The following BACH2 variants were observed in gnomAD, a reference collection of about 807,000 sequenced individuals.
BACH2 encodes the protein transcription regulator protein BACH2.
BACH2 carries 5 observed loss-of-function variants against 61.8 expected under a neutral mutation model. The observed-to-expected ratio is 0.08, with a 90% CI of 0.04 to 0.17. The LOEUF (loss-of-function observed/expected upper bound fraction) is 0.17, where lower values mean the gene tolerates loss of function less well. BACH2 is among the 10% of genes least tolerant of loss of function. The pLI is 1.00. For missense variants in BACH2, 824 were observed against 1,091.1 expected (o/e 0.76, Z 3.45); for synonymous variants, 446 against 440.1 (o/e 1.01, Z -0.17).
chr6:89,981,685 T>C (rs555454266), intron 6 of BACH2, among the ~76,000 whole-genome samples: 1 of 152,310 alleles, frequency 6.6e-6, no homozygotes, highest in East Asian at 1.9e-4. Context: ...AAAATAATTC[T>C]AGTGGTAACA....
chr6:90,056,367 G>C (rs1420797607), intron 5 of BACH2, among the ~76,000 whole-genome samples: 5 of 152,178 alleles, frequency 3.3e-5, no homozygotes, highest in South Asian at 2.1e-4. Context: ...GATCAAAAGA[G>C]ACAAAGAAGG....
At chr6:90,169,812 T>C (rs1394613920) in intron 4 of BACH2, among the ~76,000 whole-genome samples, 2 of 152,226 alleles carry the variant, frequency 1.3e-5, no homozygotes, top group Admixed American at 6.5e-5. Context: ...CCTTCACCAA[T>C]TGGGACTTTC....
chr6:90,128,463 C>T (rs1783954929), intron 4 of BACH2, among the ~76,000 whole-genome samples: 1 of 152,164 alleles, frequency 6.6e-6, no homozygotes, highest in Admixed American at 6.5e-5. Context: ...CGCCTGTAGT[C>T]CCAGCTACTC....
At chr6:90,166,473 C>T (rs1767622216) in intron 4 of BACH2, among the ~76,000 whole-genome samples, 1 of 152,176 alleles carries the variant, frequency 6.6e-6, no homozygotes, top group Admixed American at 6.5e-5. Context: ...TAAACTAGTT[C>T]AACCATTGCA....
At chr6:90,291,064 A>T (rs1423924475) in intron 1 of BACH2, among the ~76,000 whole-genome samples, 1 of 152,174 alleles carries the variant, frequency 6.6e-6, no homozygotes, top group Non-Finnish European at 1.5e-5. Flanking sequence ...GGAAAAGAAC[A>T]AAAAGGTCAG....
intron 4 of BACH2, among the ~76,000 whole-genome samples, chr6:90,205,233 C>A (rs1408178748): frequency 2.6e-5 from 4 of 152,178 alleles, no homozygotes; most frequent in African/African-American, 9.7e-5. Flanking sequence ...TTTTCACAAC[C>A]AAACCATCGA....
intron 2 of BACH2, among the ~76,000 whole-genome samples, chr6:90,269,980 T>C (rs1771468126): frequency 1.3e-5 from 2 of 152,240 alleles, no homozygotes; most frequent in African/African-American, 4.8e-5. Flanking sequence ...TGATACACTA[T>C]ATTTGGTTTT....
intron 4 of BACH2, among the ~76,000 whole-genome samples, chr6:90,108,369 C>T (rs141479070): frequency 3.3e-5 from 5 of 152,272 alleles, no homozygotes; most frequent in African/African-American, 1.2e-4. Context: ...GCTGTCAATC[C>T]CTATTGTCTC....
rs1419942406 is a variant in BACH2, at chr6:90,041,404, C to A, written c.-12-32548G>T. The stretch of plus-strand genomic sequence containing the variant: ...TTGAATTACATCAATGCCTTTGCAG[C>A]ATCTATGAACATGATCAAATAAGTG... On this transcript the variant is annotated intron_variant, in intron 5 of 8. Coordinates refer to ENST00000257749, the MANE Select transcript of BACH2 (RefSeq NM_021813.4). 2.0e-5 allele frequency among the ~76,000 whole-genome samples: 3 copies of A among 151,852 alleles called. No homozygotes were observed. The East Asian group carries it at 5.8e-4, about 29-fold the overall frequency.
intron 4 of BACH2, among the ~76,000 whole-genome samples, chr6:90,122,852 G>A (rs1022092198): frequency 6.6e-6 from 1 of 152,142 alleles, no homozygotes. Flanking sequence ...CATGGCAATG[G>A]TTCTATTTTT....
At chr6:90,135,588 C>G (rs551829012) in intron 4 of BACH2, among the ~76,000 whole-genome samples, 1 of 152,082 alleles carries the variant, frequency 6.6e-6, no homozygotes, top group Non-Finnish European at 1.5e-5. Context: ...TGGTGGTACA[C>G]GCCTGTGGTC....
intron 3 of BACH2, among the ~76,000 whole-genome samples, chr6:90,209,679 G>C (rs1769275434): frequency 6.6e-6 from 1 of 152,156 alleles, no homozygotes; most frequent in Non-Finnish European, 1.5e-5. Context: ...ATTTCCCTGA[G>C]GAACCCCACC....
At chr6:90,137,430 A>T (rs1468841592) in intron 4 of BACH2, among the ~76,000 whole-genome samples, 2 of 152,230 alleles carry the variant, frequency 1.3e-5, no homozygotes, top group Non-Finnish European at 2.9e-5. Context: ...CTTGAACTTC[A>T]AAGAAACAAA....
At chr6:89,994,183 G>A (rs1032376452) in intron 6 of BACH2, among the ~76,000 whole-genome samples, 1 of 152,148 alleles carries the variant, frequency 6.6e-6, no homozygotes, top group African/African-American at 2.4e-5. Context: ...TGGGAAAGGA[G>A]AGACACCTTT....
chr6:90,023,245 A>G (rs953164803), intron 5 of BACH2, among the ~76,000 whole-genome samples: 1 of 152,146 alleles, frequency 6.6e-6, no homozygotes, highest in African/African-American at 2.4e-5. Flanking sequence ...TTCAATTGTA[A>G]TCCCCGATGC....
rs138520134 is a variant in BACH2, at chr6:90,135,587, A to T, written c.-161-46478T>A. 7.4e-4 allele frequency among the ~76,000 whole-genome samples: 113 copies of T among 152,176 alleles called. 1 individual carries two copies. Among genetic ancestry groups the T allele is most frequent in the African/African-American group, 2.5e-3 (103 of 41,534 alleles). ...AAAAATTAGCCAGGCATGGTGGTAC[A>T]CGCCTGTGGTCTCAGATACTCGAGA... On this transcript the variant is annotated intron_variant, in intron 4 of 8. Coordinates refer to ENST00000257749, the MANE Select transcript of BACH2 (RefSeq NM_021813.4).
chr6:90,245,865 C>A (rs1011884321), intron 3 of BACH2, among the ~76,000 whole-genome samples: 3 of 152,202 alleles, frequency 2.0e-5, no homozygotes, highest in Admixed American at 1.3e-4. Context: ...GGACAAAAAT[C>A]TATGAAAACT....
chr6:90,137,511 GA>G (rs1425649017), intron 4 of BACH2, among the ~76,000 whole-genome samples: 1 of 152,126 alleles, frequency 6.6e-6, no homozygotes. Context: ...TTCTTTCCCA[GA>G]AAAACAATGA....
intron 3 of BACH2, among the ~76,000 whole-genome samples, chr6:90,223,471 T>C (rs1442715017): frequency 6.6e-6 from 1 of 152,148 alleles, no homozygotes; most frequent in Non-Finnish European, 1.5e-5. Flanking sequence ...AAGGCTTCTA[T>C]CAGCTGACTT....
Sources: allele counts gnomAD v4.1 joint callset (sites outside exome capture counted in the v4.1 genomes callset), GRCh38; gene constraint gnomAD v4.1.1; transcripts MANE v1.5; gene names NCBI Gene and HGNC (gene_info 2026-07-23, HGNC 2026-07-21).